Variants in STK32B observed in about 807,000 individuals in gnomAD.
The protein encoded by STK32B is serine/threonine-protein kinase 32B.
In STK32B, 43 loss-of-function variants were observed where a neutral mutation model predicts 52.6. The ratio of observed to expected loss-of-function variants is 0.82; its 90% CI spans 0.64 to 1.05. STK32B has a LOEUF of 1.05. Ranked by LOEUF, STK32B falls within the 50% of genes least tolerant of loss-of-function variation. The pLI is 0.00. For synonymous variants in STK32B, 238 were observed against 204.3 expected (o/e 1.17, Z -1.41); for missense variants, 621 against 534.6 (o/e 1.16, Z -1.59).
chr4:5,446,876 G>T, intron 7 of STK32B, 100 bp downstream of exon 7: 3 of 1,132,240 alleles, frequency 2.6e-6, no homozygotes, highest in Non-Finnish European at 3.9e-6. Flanking sequence ...GTGCAGGAAG[G>T]AGCACTGGGG....
At chr4:5,356,386 A>G (rs1007482840) in intron 4 of STK32B, among the ~76,000 whole-genome samples, 11 of 152,286 alleles carry the variant, frequency 7.2e-5, no homozygotes, top group Admixed American at 1.3e-4. Flanking sequence ...CAAATACGCT[A>G]TGTCCAAATA....
chr4:5,050,155 T>C (rs184828545), upstream of STK32B, among the ~76,000 whole-genome samples: 1 of 152,340 alleles, frequency 6.6e-6, no homozygotes, highest in East Asian at 1.9e-4. Flanking sequence ...ACTCAGTGTA[T>C]GCTTGTTGGT....
intron 3 of STK32B, among the ~76,000 whole-genome samples, chr4:5,169,573 C>T (rs779518428): frequency 3.3e-5 from 5 of 151,994 alleles, no homozygotes; most frequent in South Asian, 4.2e-4. Context: ...TCAAGGTGTG[C>T]GTGCCAGGTG....
chr4:5,191,256 C>CTTT lies in STK32B; in HGVS notation c.260+22816_260+22818dup, dbSNP rs11288646. On this transcript the variant is annotated intron_variant, in intron 3 of 11. Coordinates refer to ENST00000282908, the MANE Select transcript of STK32B (RefSeq NM_018401.3). Reference sequence around the variant, plus strand: ...CTCTGCCTTGCCTTATCCTGCATTCCTTTTTTTTTTTTGAGACAGAGTCTC... The same window carrying CTTT: ...CTCTGCCTTGCCTTATCCTGCATTCCTTTTTTTTTTTTTTTGAGACAGAGTCTC... Among the ~76,000 whole-genome samples the CTTT allele has an allele frequency of 1.6e-3, 237 of 146,172 alleles. 1 individual carries two copies. The highest frequency in any genetic ancestry group is 5.0e-3 in the African/African-American group (197 of 39,788).
At chr4:5,178,848 C>G (rs1398624645) in intron 3 of STK32B, among the ~76,000 whole-genome samples, 1 of 152,192 alleles carries the variant, frequency 6.6e-6, no homozygotes, top group Non-Finnish European at 1.5e-5. Flanking sequence ...GCAAAACCAA[C>G]AAGTCTCTAG....
intron 3 of STK32B, among the ~76,000 whole-genome samples, chr4:5,192,142 G>A (rs990818519): frequency 1.7e-4 from 26 of 152,200 alleles, no homozygotes; most frequent in African/African-American, 4.6e-4. Flanking sequence ...TGCCAGCACC[G>A]AATGACAGGA....
intron 4 of STK32B, among the ~76,000 whole-genome samples, chr4:5,343,065 A>G (rs1733194729): frequency 6.6e-6 from 1 of 151,654 alleles, no homozygotes; most frequent in East Asian, 1.9e-4. Flanking sequence ...TTGTCATTTA[A>G]CGTTAGGTAT....
chr4:5,121,404 C>T (rs1322779127), intron 1 of STK32B, among the ~76,000 whole-genome samples: 3 of 152,116 alleles, frequency 2.0e-5, no homozygotes, highest in African/African-American at 4.8e-5. Context: ...GGTCCCACAA[C>T]GACCCTGTTA....
At chr4:5,492,837 G>A (rs1369000833) in intron 11 of STK32B, among the ~76,000 whole-genome samples, 2 of 151,132 alleles carry the variant, frequency 1.3e-5, no homozygotes, top group Non-Finnish European at 2.9e-5. Context: ...AGATAATCAT[G>A]TGGTTTTTGT....
At chr4:5,119,906 T>C (rs1714933202) in intron 1 of STK32B, among the ~76,000 whole-genome samples, 1 of 152,248 alleles carries the variant, frequency 6.6e-6, no homozygotes, top group Non-Finnish European at 1.5e-5. Context: ...CAATATGCAA[T>C]CTACGCATAG....
At chr4:5,463,066 C>G (rs1560436253) in intron 9 of STK32B, among the ~76,000 whole-genome samples, 2 of 152,244 alleles carry the variant, frequency 1.3e-5, no homozygotes, top group African/African-American at 4.8e-5. Context: ...AGGACCCTCA[C>G]AGAGCCTGGG....
chr4:5,054,597 G>A (rs963246805), intron 1 of STK32B, among the ~76,000 whole-genome samples: 11 of 152,250 alleles, frequency 7.2e-5, no homozygotes, highest in South Asian at 2.1e-4. Flanking sequence ...ATGCCTGGCC[G>A]GCCTTAAAGG....
chr4:5,489,447 G>A (rs1326376672), intron 11 of STK32B, among the ~76,000 whole-genome samples: 1 of 152,042 alleles, frequency 6.6e-6, no homozygotes, highest in African/African-American at 2.4e-5. Context: ...TCAAGTAATT[G>A]CAGGAAGATC....
At chr4:5,185,427 A>G (rs1168329746) in intron 3 of STK32B, among the ~76,000 whole-genome samples, 1 of 152,228 alleles carries the variant, frequency 6.6e-6, no homozygotes, top group East Asian at 1.9e-4. Context: ...GCCAAGAAAC[A>G]ATCACTTAAA....
At chr4:5,442,383 T>C (rs1393576091) in intron 6 of STK32B, among the ~76,000 whole-genome samples, 2 of 152,204 alleles carry the variant, frequency 1.3e-5, no homozygotes, top group South Asian at 4.2e-4. Context: ...TCTTTTGATC[T>C]TTGTTGGTTT....
the STK32B span, among the ~76,000 whole-genome samples, chr4:5,038,751 G>A: frequency 6.6e-6 from 1 of 152,174 alleles, no homozygotes; most frequent in African/African-American, 2.4e-5. Flanking sequence ...GCTGGTGAGT[G>A]AATGGGAAGG....
intron 4 of STK32B, among the ~76,000 whole-genome samples, chr4:5,335,388 C>G (rs546291464): frequency 1.1e-4 from 16 of 152,104 alleles, no homozygotes; most frequent in African/African-American, 3.6e-4. Context: ...ATTAGTCTTG[C>G]TAGCGGTCTA....
At chr4:5,342,177 G>T (rs907084083) in intron 4 of STK32B, among the ~76,000 whole-genome samples, 1 of 152,068 alleles carries the variant, frequency 6.6e-6, no homozygotes, top group African/African-American at 2.4e-5. Flanking sequence ...ACACCACTGG[G>T]TCGCCAGTGA....
chr4:5,426,391 A>G (rs567181583), intron 6 of STK32B, among the ~76,000 whole-genome samples: 7 of 152,208 alleles, frequency 4.6e-5, no homozygotes, highest in Non-Finnish European at 1.0e-4. Context: ...ATATGTTCAA[A>G]TCATTTGCCT....
Sources: allele counts gnomAD v4.1 joint callset (sites outside exome capture counted in the v4.1 genomes callset), GRCh38; gene constraint gnomAD v4.1.1; transcripts MANE v1.5; gene names NCBI Gene and HGNC (gene_info 2026-07-23, HGNC 2026-07-21).